Variants in B3GAT2 observed in about 807,000 individuals in gnomAD.
B3GAT2 encodes galactosylgalactosylxylosylprotein 3-beta-glucuronosyltransferase 2.
A neutral mutation model predicts 27.8 loss-of-function variants in B3GAT2; 26 were observed. That is an observed-to-expected ratio of 0.93 (90% CI 0.68 to 1.30). B3GAT2 has a LOEUF of 1.30. Ranked by LOEUF, B3GAT2 falls within the 50% of genes most tolerant of loss-of-function variation. The pLI is 0.00. For missense variants in B3GAT2, 458 were observed against 459.0 expected, an observed-to-expected ratio of 1.00 and a Z score of 0.02; for synonymous variants, 218 against 195.1, an observed-to-expected ratio of 1.12 and a Z score of -0.98.
intron 2 of B3GAT2, among the ~76,000 whole-genome samples, chr6:70,873,575 T>A (rs1432049821): frequency 1.3e-5 from 2 of 152,176 alleles, no homozygotes; most frequent in African/African-American, 4.8e-5. Flanking sequence ...TGGAATCCAC[T>A]GAGCTTCCTC....
intron 1 of B3GAT2, among the ~76,000 whole-genome samples, chr6:70,954,179 G>T (rs1291353565): frequency 2.0e-5 from 3 of 152,230 alleles, no homozygotes; most frequent in Non-Finnish European, 2.9e-5. Flanking sequence ...AAATTGTGGT[G>T]CATTGAAATG....
intron 2 of B3GAT2, among the ~76,000 whole-genome samples, chr6:70,881,791 TC>T (rs1273794093): frequency 1.3e-5 from 2 of 152,128 alleles, no homozygotes; most frequent in Non-Finnish European, 1.5e-5. Flanking sequence ...AATAGGGGTG[TC>T]CAGGGGCTCC....
intron 1 of B3GAT2, among the ~76,000 whole-genome samples, chr6:70,911,623 T>G (rs1196529212): frequency 3.3e-5 from 5 of 152,352 alleles, no homozygotes; most frequent in African/African-American, 1.2e-4. Context: ...GATTTGGCTA[T>G]TCAGGCTCTT....
intron 1 of B3GAT2, among the ~76,000 whole-genome samples, chr6:70,920,592 C>T (rs1053000151): frequency 2.6e-5 from 4 of 152,086 alleles, no homozygotes; most frequent in African/African-American, 7.2e-5. Flanking sequence ...ATCAAATTTG[C>T]CATTCTGTAC....
intron 1 of B3GAT2, among the ~76,000 whole-genome samples, chr6:70,913,725 C>T (rs1418717841): frequency 2.0e-5 from 3 of 152,158 alleles, no homozygotes; most frequent in African/African-American, 4.8e-5. Context: ...TCCATTTAGT[C>T]AAATACTGAG....
rs368939206 is a variant in B3GAT2 at position 70,884,104 on chromosome 6, AAAAAAAAAAC to A, written c.736+10014_736+10023del. Among the ~76,000 whole-genome samples, 1,192 of 146,862 alleles carry A rather than the reference AAAAAAAAAAC, an allele frequency of 8.1e-3. 6 individuals carry two copies. Among genetic ancestry groups the A allele is most frequent in the Middle Eastern group, 0.01 (3 of 288 alleles). ...GGATCACCTCAAGACTCAAAAAAAA[AAAAAAAAAAC>A]AAAAAAAACCCGCAACCACACAAAT... is the stretch of plus-strand genomic sequence containing the variant. On this transcript the variant is annotated intron_variant, in intron 2 of 3. Transcript: ENST00000230053.
chr6:70,904,821 G>T (rs1772570952), intron 1 of B3GAT2, among the ~76,000 whole-genome samples: 1 of 152,132 alleles, frequency 6.6e-6, no homozygotes, highest in Non-Finnish European at 1.5e-5. Flanking sequence ...ATTGTCTCAA[G>T]GTATCACCCC....
chr6:70,919,584 C>T (rs1013203133), intron 1 of B3GAT2, among the ~76,000 whole-genome samples: 3 of 152,136 alleles, frequency 2.0e-5, no homozygotes, highest in Non-Finnish European at 4.4e-5. Flanking sequence ...ATGGGGTTTT[C>T]GTGTGGATGT....
Position 70,956,939 on chromosome 6 carries a change from G to T in B3GAT2, c.-510C>A. The stretch of plus-strand genomic sequence containing the variant: ...GCTTTCCTTCCTCACATTCCCGCCG[G>T]GGTGGCGAGGAGCGGGTGGAGACGC... On this transcript the variant is annotated 5_prime_UTR_variant, in exon 1 of 4. Coordinates refer to ENST00000230053, the MANE Select transcript of B3GAT2 (RefSeq NM_080742.3). 3 of 1,015,090 alleles carry T rather than the reference G, an allele frequency of 3.0e-6. No individual in the cohort carries two copies. The highest frequency in any genetic ancestry group is 5.5e-5 in the Admixed American group (1 of 18,200). 62.9% of individuals were successfully genotyped at this position (1,015,090 alleles called of 1,614,324 possible). A position where few individuals can be genotyped will look rare whatever the true frequency, so the allele number is the denominator to read the frequency against.
intron 2 of B3GAT2, among the ~76,000 whole-genome samples, chr6:70,887,502 C>T (rs1459650230): frequency 2.0e-5 from 3 of 152,104 alleles, no homozygotes; most frequent in African/African-American, 7.2e-5. Context: ...GGGATAGTGC[C>T]GTCACTCAGC....
chr6:70,910,574 A>G (rs540758751), intron 1 of B3GAT2, among the ~76,000 whole-genome samples: 1 of 152,296 alleles, frequency 6.6e-6, no homozygotes, highest in East Asian at 1.9e-4. Flanking sequence ...CCAATCTACC[A>G]GTGATGGAAA....
intron 1 of B3GAT2, among the ~76,000 whole-genome samples, chr6:70,941,863 C>G (rs1036346681): frequency 3.9e-5 from 6 of 152,082 alleles, no homozygotes; most frequent in Non-Finnish European, 5.9e-5. Context: ...ACAGATACAA[C>G]AGTAAACAAA....
At chr6:70,915,884 G>C (rs1772765051) in intron 1 of B3GAT2, among the ~76,000 whole-genome samples, 1 of 152,028 alleles carries the variant, frequency 6.6e-6, no homozygotes, top group Non-Finnish European at 1.5e-5. Context: ...TTGGCTATGT[G>C]GGCTCTTTTT....
chr6:70,878,402 T>C (rs1562216284), intron 2 of B3GAT2, among the ~76,000 whole-genome samples: 1 of 152,176 alleles, frequency 6.6e-6, no homozygotes, highest in Non-Finnish European at 1.5e-5. Flanking sequence ...CAATACAAAA[T>C]GTTCCTCTCC....
rs1554218758 is a variant in B3GAT2 at position 70,956,841 on chromosome 6, GC to G, written c.-413del. On this transcript the variant is annotated 5_prime_UTR_variant, in exon 1 of 4. Coordinates refer to ENST00000230053, the MANE Select transcript of B3GAT2 (RefSeq NM_080742.3). Reference sequence around the variant, plus strand: ...CCGCTCCAGTCCGGCGGTGCTGCGGGCACAAGGGCTCCAGCCGCGGGCCCCC... The same window carrying G: ...CCGCTCCAGTCCGGCGGTGCTGCGGGACAAGGGCTCCAGCCGCGGGCCCCC... 9.5e-7 allele frequency: 1 copy of G among 1,055,886 alleles called. No individual in the cohort carries two copies. Among genetic ancestry groups the G allele is most frequent in the Non-Finnish European group, 1.1e-6 (1 of 874,892 alleles). The allele number at this position is 1,055,886 out of a possible 1,614,324, so 65.4% of individuals were successfully genotyped here.
In B3GAT2 at chr6:70,860,002, A is replaced by C; in HGVS notation, c.*1661T>G. 2 of 495,740 alleles carry C rather than the reference A, an allele frequency of 4.0e-6. No homozygotes were observed. The highest frequency in any genetic ancestry group is 3.3e-6 in the Non-Finnish European group (1 of 304,656). The allele number at this position is 495,740 out of a possible 1,614,324, so 30.7% of individuals were successfully genotyped here. On this transcript the variant is annotated 3_prime_UTR_variant, in exon 4 of 4. Transcript: ENST00000230053. ...GTAAGTTGTGGTTAATCTTTGGGGA[A>C]ACTGTATCTAGAAAGTAGATAAAGA... is the stretch of plus-strand genomic sequence containing the variant.
intron 2 of B3GAT2, among the ~76,000 whole-genome samples, chr6:70,888,349 A>T (rs1239865756): frequency 2.6e-5 from 4 of 152,236 alleles, no homozygotes; most frequent in Non-Finnish European, 5.9e-5. Context: ...TCAAAGGATA[A>T]TACAAATTAC....
chr6:70,893,517 CA>C (rs927525619), intron 2 of B3GAT2, among the ~76,000 whole-genome samples: 1 of 151,782 alleles, frequency 6.6e-6, no homozygotes, highest in African/African-American at 2.4e-5. Context: ...GATAAAGTAG[CA>C]TTTTAGAACG....
At chr6:70,943,772 C>T (rs1765430919) in intron 1 of B3GAT2, among the ~76,000 whole-genome samples, 1 of 151,946 alleles carries the variant, frequency 6.6e-6, no homozygotes, top group South Asian at 2.1e-4. Flanking sequence ...AAAATTTTCA[C>T]AAGACCAAAT....
Sources: allele counts gnomAD v4.1 joint callset (sites outside exome capture counted in the v4.1 genomes callset), GRCh38; gene constraint gnomAD v4.1.1; transcripts MANE v1.5; gene names NCBI Gene and HGNC (gene_info 2026-07-23, HGNC 2026-07-21).